Variants in RNF149 observed in about 807,000 individuals in gnomAD.
RNF149 encodes the protein ring finger protein 149, also known as E3 ubiquitin-protein ligase RNF149.
A neutral mutation model predicts 39.0 loss-of-function variants in RNF149; 21 were observed. The ratio of observed to expected loss-of-function variants is 0.54; its 90% CI spans 0.38 to 0.77. RNF149 has a LOEUF of 0.77. Among genes scored for constraint, RNF149 ranks in the 30% least tolerant of loss-of-function variants. The probability of loss-of-function intolerance (pLI) is 0.00; values close to 1 mark genes in which losing one functional copy is unlikely to be tolerated. For missense variants in RNF149, 493 were observed against 534.9 expected (o/e 0.92, Z 0.77); for synonymous variants, 209 against 213.6 (o/e 0.98, Z 0.19).
chr2:101,307,830 G>A, intron 1 of RNF149: 3 of 985,426 alleles, frequency 3.0e-6, no homozygotes, highest in South Asian at 9.4e-5. Context: ...GGAATCATGA[G>A]ATTTCCTCAC....
chr2:101,301,943 CA>C (rs1457135359), intron 1 of RNF149, among the ~76,000 whole-genome samples: 1 of 152,146 alleles, frequency 6.6e-6, no homozygotes, highest in Non-Finnish European at 1.5e-5. Flanking sequence ...CTAATTTAGG[CA>C]GCAAGAAATC....
intron 6 of RNF149, among the ~76,000 whole-genome samples, chr2:101,280,981 C>CCA (rs1682561927): frequency 6.6e-6 from 1 of 152,124 alleles, no homozygotes; most frequent in Non-Finnish European, 1.5e-5. Flanking sequence ...CTGCAGTGAG[C>CCA]TGTGTTCTCA....
intron 1 of RNF149, among the ~76,000 whole-genome samples, chr2:101,303,946 G>A (rs1244228448): frequency 5.3e-5 from 8 of 152,136 alleles, no homozygotes; most frequent in Non-Finnish European, 8.8e-5. Context: ...AAAAGACCAC[G>A]CTAAGATTTC....
intron 1 of RNF149, among the ~76,000 whole-genome samples, chr2:101,301,583 G>C (rs1683453300): frequency 6.6e-6 from 1 of 152,082 alleles, no homozygotes; most frequent in Non-Finnish European, 1.5e-5. Flanking sequence ...TAGGATTACA[G>C]GTATGCATCA....
At chr2:101,303,273 G>A (rs912131575) in intron 1 of RNF149, among the ~76,000 whole-genome samples, 4 of 116,404 alleles carry the variant, frequency 3.4e-5, no homozygotes, top group Middle Eastern at 4.1e-3. Flanking sequence ...TTGCCTCAAC[G>A]TTGGCTCATT....
In RNF149 at chr2:101,308,687, G is replaced by T; in HGVS notation, c.-99C>A. The T allele has an allele frequency of 1.7e-6, 2 of 1,149,264 alleles. No homozygotes were observed. Among genetic ancestry groups the T allele is most frequent in the Non-Finnish European group, 2.3e-6 (2 of 856,428 alleles). 71.2% of individuals were successfully genotyped at this position (1,149,264 alleles called of 1,614,324 possible). A position where few individuals can be genotyped will look rare whatever the true frequency, so the allele number is the denominator to read the frequency against. ...GCGGACACCCACCGCCGCCCTGGAA[G>T]ACTGAGGCGGGGTCGGGGCCGCTGC... On this transcript the variant is annotated 5_prime_UTR_variant, in exon 1 of 7. Coordinates refer to ENST00000295317, the MANE Select transcript of RNF149 (RefSeq NM_173647.4).
At chr2:101,287,060 G>A (rs1167296561) in intron 4 of RNF149, among the ~76,000 whole-genome samples, 2 of 152,190 alleles carry the variant, frequency 1.3e-5, no homozygotes, top group Non-Finnish European at 2.9e-5. Context: ...GGTGGCTCAC[G>A]CCTGTAATCC....
Position 101,276,137 on chromosome 2 carries a change from AATAAC to A in RNF149, c.*1096_*1100del, listed in dbSNP as rs1471635447. ...TTACCTACAAAGTAAAGATATACAG[AATAAC>A]TAGGAGCAAGGAAAGACTATAATTC... On this transcript the variant is annotated 3_prime_UTR_variant, in exon 7 of 7. Transcript: ENST00000295317. The A allele has an allele frequency of 1.0e-6, 1 of 965,392 alleles. No individual in the cohort carries two copies. The highest frequency in any genetic ancestry group is 1.8e-5 in the African/African-American group (1 of 56,868). 59.8% of individuals were successfully genotyped at this position (965,392 alleles called of 1,614,324 possible). A position where few individuals can be genotyped will look rare whatever the true frequency, so the allele number is the denominator to read the frequency against.
chr2:101,294,581 C>T (rs1683146710), intron 2 of RNF149: 2 of 222,408 alleles, frequency 9.0e-6, no homozygotes, highest in South Asian at 1.5e-4. Flanking sequence ...GACGGCCCTT[C>T]TCTTTGCTGT....
At chr2:101,288,681 A>C in intron 4 of RNF149, 1 of 270,748 alleles carries the variant, frequency 3.7e-6, no homozygotes, top group East Asian at 1.0e-4. Context: ...TTGCACTGCT[A>C]AATGTATAAT....
In RNF149 at chr2:101,275,904, G is replaced by A. The variant is rs1682330992; in HGVS notation, c.*1334C>T. ...CTAAAACCAACTCAGTGTGCAAAGC[G>A]AAATACATTTTCTACTTCAATAGCT... On this transcript the variant is annotated 3_prime_UTR_variant, in exon 7 of 7. Transcript: ENST00000295317. 1.2e-5 allele frequency: 12 copies of A among 985,246 alleles called. No individual in the cohort carries two copies. The South Asian group carries it at 4.2e-4, about 35-fold the overall frequency. 61.0% of individuals were successfully genotyped at this position (985,246 alleles called of 1,614,324 possible). A position where few individuals can be genotyped will look rare whatever the true frequency, so the allele number is the denominator to read the frequency against.
In RNF149 at chr2:101,289,236, T is replaced by C. The variant is rs116444630; in HGVS notation, c.781-181A>G. Among the ~76,000 whole-genome samples the C allele has an allele frequency of 4.8e-3, 736 of 152,206 alleles. 2 individuals carry two copies. The highest frequency in any genetic ancestry group is 0.017 in the African/African-American group (708 of 41,462). On this transcript the variant is annotated intron_variant, in intron 3 of 6. Coordinates refer to ENST00000295317, the MANE Select transcript of RNF149 (RefSeq NM_173647.4). ...CTATTAGAGGATTATCTAAATACGG[T>C]TGAAAAGGAAAAAATTTCATTGTTT...
intron 4 of RNF149, among the ~76,000 whole-genome samples, chr2:101,287,311 G>A (rs1029192878): frequency 6.6e-6 from 1 of 151,960 alleles, no homozygotes; most frequent in African/African-American, 2.4e-5. Context: ...CAACAAGAAC[G>A]AAACTCTGTC....
chr2:101,273,194 C>G (rs183575674), downstream of RNF149: 15 of 1,160,476 alleles, frequency 1.3e-5, no homozygotes, highest in Non-Finnish European at 1.7e-5. Flanking sequence ...CCCAGAACGC[C>G]AGTCCAGACA....
intron 4 of RNF149, among the ~76,000 whole-genome samples, chr2:101,287,463 C>A (rs1479457614): frequency 6.6e-6 from 1 of 152,144 alleles, no homozygotes; most frequent in East Asian, 1.9e-4. Flanking sequence ...GTAAGGAGAC[C>A]ACGAAATGTG....
chr2:101,307,361 T>G (rs1398986170), intron 1 of RNF149, among the ~76,000 whole-genome samples: 1 of 152,082 alleles, frequency 6.6e-6, no homozygotes, highest in Non-Finnish European at 1.5e-5. Context: ...TTAAGAAATT[T>G]TTGCAGATAT....
chr2:101,299,799 A>G (rs1323485112), intron 1 of RNF149, among the ~76,000 whole-genome samples: 1 of 152,236 alleles, frequency 6.6e-6, no homozygotes, highest in Non-Finnish European at 1.5e-5. Context: ...CCACACTATC[A>G]TTCTACAGCT....
chr2:101,308,693 G>GCC lies in RNF149; in HGVS notation c.-106_-105insGG. 1 of 1,096,468 alleles carries GCC rather than the reference G, an allele frequency of 9.1e-7. No individual in the cohort carries two copies. Among genetic ancestry groups the GCC allele is most frequent in the Non-Finnish European group, 1.2e-6 (1 of 808,818 alleles). 67.9% of individuals were successfully genotyped at this position (1,096,468 alleles called of 1,614,324 possible). On this transcript the variant is annotated 5_prime_UTR_variant, in exon 1 of 7. Transcript: ENST00000295317. ...ACCCACCGCCGCCCTGGAAGACTGA[G>GCC]GCGGGGTCGGGGCCGCTGCGCACGC...
intron 3 of RNF149, among the ~76,000 whole-genome samples, 195 bp downstream of exon 3, chr2:101,293,819 T>C (rs1208458975): frequency 6.6e-6 from 1 of 152,196 alleles, no homozygotes; most frequent in Non-Finnish European, 1.5e-5. Flanking sequence ...GTGTCACCAG[T>C]GAGGGGCTCA....
Sources: allele counts gnomAD v4.1 joint callset (sites outside exome capture counted in the v4.1 genomes callset), GRCh38; gene constraint gnomAD v4.1.1; transcripts MANE v1.5; gene names NCBI Gene and HGNC (gene_info 2026-07-23, HGNC 2026-07-21).